Variants in CFTR observed in about 807,000 individuals in gnomAD.
CFTR encodes cystic fibrosis transmembrane conductance regulator.
Under a neutral mutation model 171.6 loss-of-function variants are expected in CFTR, and 181 were observed. The ratio of observed to expected loss-of-function variants is 1.05; its 90% CI spans 0.93 to 1.19. The LOEUF (loss-of-function observed/expected upper bound fraction) is 1.19, where lower values mean the gene tolerates loss of function less well. Among genes scored for constraint, CFTR ranks in the 50% most tolerant of loss-of-function variants. The pLI is 0.00. For missense variants in CFTR, 1,968 were observed against 1,734.7 expected (o/e 1.13, Z -2.39); for synonymous variants, 583 against 608.0 (o/e 0.96, Z 0.60).
Position 117,542,050 on chromosome 7 carries a change from A to G in CFTR, c.1151A>G (p.Glu384Gly). The G allele has an allele frequency of 6.3e-7, 1 of 1,594,574 alleles. No individual in the cohort carries two copies. Among genetic ancestry groups the G allele is most frequent in the Non-Finnish European group, 8.6e-7 (1 of 1,162,408 alleles). Residue 384 changes from glutamate to glycine, a missense_variant, in exon 9 of 27, where the codon GAA (glutamate) becomes GGA (glycine). Physicochemically the swap from Glu to Gly is moderately conservative, Grantham distance 98 (BLOSUM62 -2). Coordinates refer to ENST00000003084, the MANE Select transcript of CFTR (RefSeq NM_000492.4). Reference sequence around the variant, plus strand: ...CAAAAGCAAGAATATAAGACATTGGAATATAACTTAACGACTACAGAAGTA... The same window carrying G: ...CAAAAGCAAGAATATAAGACATTGGGATATAACTTAACGACTACAGAAGTA... ...FLQKQEYKTLEYNLTTTEVVM... is the reference protein window; with the variant it reads ...FLQKQEYKTLGYNLTTTEVVM...
At position 117,552,953 on chromosome 7, in the gene CFTR, A is replaced by G. The variant is rs143279418; in HGVS notation, c.1392+4130A>G. ...GCCTTTGGGAGGTGATTAGTCCATG[A>G]GGGTGAAGTCTTTAGTAAATGAGAT... On this transcript the variant is annotated intron_variant, in intron 10 of 26. Transcript: ENST00000003084. Among the ~76,000 whole-genome samples, 28 of 152,270 alleles carry G rather than the reference A, an allele frequency of 1.8e-4. No homozygotes were observed. In the East Asian group the frequency reaches 5.4e-3, roughly 29 times the overall value.
chr7:117,489,824 T>C (rs1798128286), intron 1 of CFTR, among the ~76,000 whole-genome samples: 1 of 151,914 alleles, frequency 6.6e-6, no homozygotes, highest in East Asian at 1.9e-4. Flanking sequence ...ATTTTCTTGG[T>C]TCCTGTCTAT....
In CFTR at chr7:117,535,247, G is replaced by T. The variant is rs121908793; in HGVS notation, c.580-1G>T. On this transcript the variant is annotated splice_acceptor_variant, in intron 5 of 26. Coordinates refer to ENST00000003084, the MANE Select transcript of CFTR (RefSeq NM_000492.4). LOFTEE classifies it high-confidence loss of function. The stretch of plus-strand genomic sequence containing the variant: ...GTTTTTGCTGTGCTTTTATTTTCCA[G>T]GGACTTGCATTGGCACATTTCGTGT... 1.2e-6 allele frequency: 2 copies of T among 1,614,084 alleles called. No individual in the cohort carries two copies. The highest frequency in any genetic ancestry group is 8.5e-7 in the Non-Finnish European group (1 of 1,179,986).
intron 11 of CFTR, among the ~76,000 whole-genome samples, chr7:117,561,472 C>A (rs1799463032): frequency 6.6e-6 from 1 of 152,088 alleles, no homozygotes; most frequent in Non-Finnish European, 1.5e-5. Flanking sequence ...TCCTTTGTAG[C>A]TAAGTCTCCC....
chr7:117,566,282 C>G (rs1302890134), intron 11 of CFTR, among the ~76,000 whole-genome samples: 1 of 150,848 alleles, frequency 6.6e-6, no homozygotes, highest in Non-Finnish European at 1.5e-5. Context: ...CACACACACA[C>G]ACACTAGCCA....
chr7:117,514,125 T>A (rs1798563465), intron 3 of CFTR, among the ~76,000 whole-genome samples: 1 of 152,152 alleles, frequency 6.6e-6, no homozygotes, highest in South Asian at 2.1e-4. Flanking sequence ...AGATCTAAGG[T>A]GAGGAAATTG....
At chr7:117,634,281 G>T (rs1173362461) in intron 22 of CFTR, among the ~76,000 whole-genome samples, 2 of 152,006 alleles carry the variant, frequency 1.3e-5, no homozygotes, top group East Asian at 3.8e-4. Flanking sequence ...GTTATTCATA[G>T]TATTCTTTTA....
intron 7 of CFTR, among the ~76,000 whole-genome samples, chr7:117,539,607 T>G (rs1584788941): frequency 6.6e-6 from 1 of 152,216 alleles, no homozygotes; most frequent in South Asian, 2.1e-4. Context: ...AAAGCCAAGT[T>G]AGAATTTCCA....
intron 12 of CFTR, among the ~76,000 whole-genome samples, chr7:117,588,064 G>A (rs1415440526): frequency 6.6e-6 from 1 of 152,062 alleles, no homozygotes; most frequent in Non-Finnish European, 1.5e-5. Context: ...CTTGGTGTCA[G>A]TGTATTTGTT....
At chr7:117,521,106 T>G (rs930445761) in intron 3 of CFTR, among the ~76,000 whole-genome samples, 1 of 152,128 alleles carries the variant, frequency 6.6e-6, no homozygotes, top group South Asian at 2.1e-4. Context: ...TTTTGTTATA[T>G]TGTTACTATG....
intron 11 of CFTR, among the ~76,000 whole-genome samples, chr7:117,566,822 T>C (rs376421574): frequency 3.3e-5 from 5 of 152,218 alleles, no homozygotes; most frequent in African/African-American, 1.2e-4. Context: ...ACCCAGAGTT[T>C]GCAGTCAAAG....
At chr7:117,539,191 G>A (rs1041857696) in intron 7 of CFTR, among the ~76,000 whole-genome samples, 1 of 152,140 alleles carries the variant, frequency 6.6e-6, no homozygotes, top group Non-Finnish European at 1.5e-5. Flanking sequence ...CTGGGACCGA[G>A]CTGAAGGCAG....
chr7:117,534,446 A>C, intron 5 of CFTR, 81 bp downstream of exon 5: 1 of 783,062 alleles, frequency 1.3e-6, no homozygotes, highest in Non-Finnish European at 2.3e-6. Flanking sequence ...CCTGGGTCAG[A>C]TAATAGTAAT....
rs778797502 is a variant in CFTR, at chr7:117,627,564, A to G, written c.3511A>G (p.Thr1171Ala). Residue 1171 changes from threonine (T) to alanine (A), a missense_variant, in exon 22 of 27, where the codon ACA becomes GCA. Transcript: ENST00000003084. ...SRVFKFIDMPTEGKPTKSTKP... is the reference protein window; with the variant it reads ...SRVFKFIDMPAEGKPTKSTKP... ...AGTCTTTAAGTTCATTGACATGCCA[A>G]CAGAAGGTAAACCTACCAAGTCAAC... 3.7e-6 allele frequency: 6 copies of G among 1,613,344 alleles called. No homozygotes were observed. The East Asian group carries it at 1.1e-4, about 30-fold the overall frequency.
rs1254047854 is a variant in CFTR, at chr7:117,559,553, T to C, written c.1482T>C (p.Phe494=). 6.2e-7 allele frequency: 1 copy of C among 1,612,214 alleles called. No homozygotes were observed. Among genetic ancestry groups the C allele is most frequent in the Non-Finnish European group, 8.5e-7 (1 of 1,178,570 alleles). The change falls in exon 11 of 27, where the codon TTT becomes TTC. Residue 494 remains phenylalanine, a synonymous_variant. Coordinates refer to ENST00000003084, the MANE Select transcript of CFTR (RefSeq NM_000492.4). ...GAAGAATTTCATTCTGTTCTCAGTT[T>C]TCCTGGATTATGCCTGGCACCATTA... ...HSGRISFCSQ[F]SWIMPGTIKE... is the part of the protein sequence containing the mutation.
intron 24 of CFTR, among the ~76,000 whole-genome samples, chr7:117,662,740 A>C (rs961144988): frequency 1.3e-5 from 2 of 152,300 alleles, no homozygotes; most frequent in South Asian, 4.1e-4. Flanking sequence ...GATGATGATG[A>C]CCCAGACTGG....
At chr7:117,661,803 AC>A (rs1322639224) in intron 24 of CFTR, among the ~76,000 whole-genome samples, 4 of 152,058 alleles carry the variant, frequency 2.6e-5, no homozygotes, top group Non-Finnish European at 4.4e-5. Flanking sequence ...CCTTGTAACA[AC>A]CCTTTGACAT....
chr7:117,597,594 G>T (rs572591388), intron 15 of CFTR, among the ~76,000 whole-genome samples: 1 of 152,324 alleles, frequency 6.6e-6, no homozygotes, highest in East Asian at 1.9e-4. Flanking sequence ...GGACACAGCT[G>T]CTCTAGATAT....
At chr7:117,553,476 G>C (rs1411001079) in intron 10 of CFTR, among the ~76,000 whole-genome samples, 1 of 152,130 alleles carries the variant, frequency 6.6e-6, no homozygotes, top group Non-Finnish European at 1.5e-5. Context: ...GGTAGATGTT[G>C]TCAAATGTCC....
Sources: allele counts gnomAD v4.1 joint callset (sites outside exome capture counted in the v4.1 genomes callset), GRCh38; gene constraint gnomAD v4.1.1; transcripts MANE v1.5; gene names NCBI Gene and HGNC (gene_info 2026-07-23, HGNC 2026-07-21).